The following ZNF407 variants were observed in gnomAD, a reference collection of about 807,000 sequenced individuals.
ZNF407 encodes zinc finger protein 407.
A neutral mutation model predicts 131.2 loss-of-function variants in ZNF407; 17 were observed. The ratio of observed to expected loss-of-function variants is 0.13; its 90% CI spans 0.09 to 0.19. The LOEUF (loss-of-function observed/expected upper bound fraction) is 0.19. Among genes scored for constraint, ZNF407 ranks in the 10% least tolerant of loss-of-function variants. The probability of loss-of-function intolerance (pLI) is 1.00; values close to 1 mark genes in which losing one functional copy is unlikely to be tolerated. For missense variants in ZNF407, 2,681 were observed against 2,830.6 expected, an observed-to-expected ratio of 0.95 and a Z score of 1.20; for synonymous variants, 1,156 against 1,062.0, an observed-to-expected ratio of 1.09 and a Z score of -1.72.
intron 6 of ZNF407, among the ~76,000 whole-genome samples, chr18:74,883,697 G>C (rs1022854088): frequency 6.6e-6 from 1 of 152,106 alleles, no homozygotes; most frequent in Admixed American, 6.6e-5. Flanking sequence ...CATGAGACGC[G>C]GTCAGCCCGT....
rs114246368 is a variant in ZNF407 at position 74,971,170 on chromosome 18, T to A, written c.5428+50478T>A. On this transcript the variant is annotated intron_variant, in intron 8 of 8. Transcript: ENST00000299687. ...CCCTGGCCCCAGCCCACAGAACCAT[T>A]TTTTGCCTCTGGACCTCCAGGCCTG... Among the ~76,000 whole-genome samples the A allele has an allele frequency of 2.7e-3, 416 of 152,228 alleles. 2 individuals carry two copies. Among genetic ancestry groups the A allele is most frequent in the African/African-American group, 9.2e-3 (381 of 41,540 alleles).
intron 7 of ZNF407, among the ~76,000 whole-genome samples, chr18:74,917,780 TA>T: frequency 1.3e-5 from 2 of 152,266 alleles, no homozygotes. Context: ...TTGGCAATTT[TA>T]ATTTCTTCAT....
chr18:74,961,088 G>T (rs187506421), intron 8 of ZNF407, among the ~76,000 whole-genome samples: 1 of 149,096 alleles, frequency 6.7e-6, no homozygotes, highest in East Asian at 2.0e-4. Context: ...CCTGAGCGAG[G>T]ACTGGGTGGA....
chr18:74,711,417 G>A (rs1599089714), intron 3 of ZNF407, among the ~76,000 whole-genome samples: 3 of 152,304 alleles, frequency 2.0e-5, no homozygotes, highest in East Asian at 1.9e-4. Flanking sequence ...AAGAGGCTCC[G>A]TAAGAGAAGG....
chr18:74,931,388 G>A (rs769783447), intron 8 of ZNF407, among the ~76,000 whole-genome samples: 1 of 152,006 alleles, frequency 6.6e-6, no homozygotes, highest in Non-Finnish European at 1.5e-5. Flanking sequence ...TTTAAAAATG[G>A]ACAAATGATC....
chr18:74,633,796 G>T lies in ZNF407; in HGVS notation c.2777G>T (p.Gly926Val). The T allele has an allele frequency of 6.2e-7, 1 of 1,613,920 alleles. No individual in the cohort carries two copies. Among genetic ancestry groups the T allele is most frequent in the Non-Finnish European group, 8.5e-7 (1 of 1,179,884 alleles). ...SSDIIVGPEG[G>V]SLEAGKKNAG... Reference sequence around the variant, plus strand: ...GATATCATTGTTGGCCCTGAAGGGGGTAGCCTTGAAGCTGGTAAAAAGAAT... The same window carrying T: ...GATATCATTGTTGGCCCTGAAGGGGTTAGCCTTGAAGCTGGTAAAAAGAAT... Residue 926 changes from glycine (G) to valine (V), a missense_variant, in exon 2 of 9, where the codon GGT becomes GTT. By Grantham distance (109) the Gly-to-Val change is moderately radical. Transcript: ENST00000299687.
At chr18:74,698,539 G>A (rs1321204341) in intron 3 of ZNF407, among the ~76,000 whole-genome samples, 1 of 152,182 alleles carries the variant, frequency 6.6e-6, no homozygotes, top group Non-Finnish European at 1.5e-5. Flanking sequence ...CTCCGTATGT[G>A]TGTGGGAGTG....
intron 8 of ZNF407, among the ~76,000 whole-genome samples, chr18:74,961,716 T>TG (rs1182831482): frequency 7.1e-6 from 1 of 140,520 alleles, no homozygotes; most frequent in African/African-American, 2.6e-5. Flanking sequence ...CTGTCTCAAT[T>TG]AAAAAAAAAA....
At chr18:74,636,299 G>A (rs1984459975) in intron 2 of ZNF407, among the ~76,000 whole-genome samples, 1 of 152,032 alleles carries the variant, frequency 6.6e-6, no homozygotes, top group South Asian at 2.1e-4. Flanking sequence ...CACAGTTAGT[G>A]TTCCATTTTA....
chr18:74,604,432 G>C (rs1982711347), intron 1 of ZNF407, among the ~76,000 whole-genome samples: 1 of 152,194 alleles, frequency 6.6e-6, no homozygotes, highest in African/African-American at 2.4e-5. Flanking sequence ...AACAGTCTGT[G>C]AAGAAGGGGA....
chr18:75,031,735 G>A (rs773545034), intron 8 of ZNF407, among the ~76,000 whole-genome samples: 1 of 152,160 alleles, frequency 6.6e-6, no homozygotes, highest in African/African-American at 2.4e-5. Flanking sequence ...CTTAACTTCT[G>A]GCAGGAATAT....
At chr18:74,810,803 G>C (rs970373587) in intron 4 of ZNF407, among the ~76,000 whole-genome samples, 1 of 152,126 alleles carries the variant, frequency 6.6e-6, no homozygotes, top group African/African-American at 2.4e-5. Flanking sequence ...GCCATATGTA[G>C]AAAGCTGAAA....
At chr18:75,052,841 G>A (rs971579129) in intron 8 of ZNF407, among the ~76,000 whole-genome samples, 3 of 152,182 alleles carry the variant, frequency 2.0e-5, no homozygotes, top group African/African-American at 4.8e-5. Flanking sequence ...ACACATGTGC[G>A]TGGATGTCAC....
chr18:74,922,342 G>T (rs968797174), intron 8 of ZNF407, among the ~76,000 whole-genome samples: 8 of 152,200 alleles, frequency 5.3e-5, no homozygotes, highest in African/African-American at 1.7e-4. Flanking sequence ...CCTCCTCGAG[G>T]TGGCCTTGCT....
intron 3 of ZNF407, among the ~76,000 whole-genome samples, chr18:74,685,619 A>G (rs965901397): frequency 6.6e-6 from 1 of 152,038 alleles, no homozygotes; most frequent in South Asian, 2.1e-4. Context: ...CTCCCGGGAC[A>G]CCCCACCTCA....
intron 7 of ZNF407, among the ~76,000 whole-genome samples, chr18:74,898,978 C>T (rs1030378854): frequency 3.3e-5 from 5 of 152,176 alleles, no homozygotes; most frequent in African/African-American, 1.2e-4. Context: ...TTCCACTCTG[C>T]ACTCCCAAAT....
In ZNF407 at chr18:74,778,426, A is replaced by G. The variant is rs187666252; in HGVS notation, c.4803-3002A>G. 9.2e-5 allele frequency among the ~76,000 whole-genome samples: 14 copies of G among 152,142 alleles called. No homozygotes were observed. In the East Asian group the frequency reaches 2.7e-3, roughly 29 times the overall value. ...TTCAACCCCTTGCTGACACTGTAAG[A>G]TCCTTGTTCTGTAATTTATTCTCCT... On this transcript the variant is annotated intron_variant, in intron 3 of 8. Coordinates refer to ENST00000299687, the MANE Select transcript of ZNF407 (RefSeq NM_017757.3).
intron 3 of ZNF407, among the ~76,000 whole-genome samples, chr18:74,719,596 G>T (rs1967979378): frequency 6.6e-6 from 1 of 152,098 alleles, no homozygotes; most frequent in African/African-American, 2.4e-5. Flanking sequence ...GTAGAGACGG[G>T]GTTTCACCGT....
At chr18:74,828,345 C>G (rs748361145) in intron 4 of ZNF407, among the ~76,000 whole-genome samples, 1 of 152,206 alleles carries the variant, frequency 6.6e-6, no homozygotes, top group Non-Finnish European at 1.5e-5. Context: ...GGCTGCCTTT[C>G]ACTGCCGGGC....
Sources: allele counts gnomAD v4.1 joint callset (sites outside exome capture counted in the v4.1 genomes callset), GRCh38; gene constraint gnomAD v4.1.1; transcripts MANE v1.5; gene names NCBI Gene and HGNC (gene_info 2026-07-23, HGNC 2026-07-21).